Variants in XG observed in about 807,000 individuals in gnomAD.
The protein encoded by XG is glycoprotein Xg.
XG carries 24 observed loss-of-function variants against 25.7 expected under a neutral mutation model. The ratio of observed to expected loss-of-function variants is 0.93; its 90% CI spans 0.68 to 1.31. The LOEUF (loss-of-function observed/expected upper bound fraction) is 1.31. Among genes scored for constraint, XG ranks in the 40% most tolerant of loss-of-function variants. The pLI is 0.00. For missense variants in XG, 181 were observed against 187.6 expected, an observed-to-expected ratio of 0.96 and a Z score of 0.21; for synonymous variants, 77 against 69.2, an observed-to-expected ratio of 1.11 and a Z score of -0.56.
intron 2 of XG, among the ~76,000 whole-genome samples, chrX:2,773,220 G>A (rs934720249): frequency 2.0e-5 from 3 of 149,274 alleles, no homozygotes; most frequent in Non-Finnish European, 4.5e-5. Flanking sequence ...GAGAGGGAAC[G>A]ATGGAGGGAA....
intron 7 of XG, among the ~76,000 whole-genome samples, chrX:2,801,934 C>T (rs765251230): frequency 2.7e-5 from 3 of 110,852 alleles, no homozygotes; most frequent in South Asian, 7.6e-4. Flanking sequence ...ATCTCGATCT[C>T]CTGACCTCGT....
chrX:2,766,690 G>A (rs1452419271), intron 1 of XG, among the ~76,000 whole-genome samples: 3 of 147,390 alleles, frequency 2.0e-5, no homozygotes, highest in Admixed American at 6.9e-5. Flanking sequence ...TCAGCCTCCC[G>A]AGTAGCTGGG....
At chrX:2,765,328 G>C (rs144873100) in intron 1 of XG, among the ~76,000 whole-genome samples, 2 of 151,156 alleles carry the variant, frequency 1.3e-5, no homozygotes, top group Non-Finnish European at 3.0e-5. Flanking sequence ...TGCAGCCTGG[G>C]CAACATAGTG....
intron 1 of XG, among the ~76,000 whole-genome samples, chrX:2,756,842 C>T (rs2050446116): frequency 2.0e-5 from 3 of 152,170 alleles, no homozygotes; most frequent in Admixed American, 6.5e-5. Context: ...CTGGGCCCCA[C>T]GGTAGCATCT....
intron 1 of XG, among the ~76,000 whole-genome samples, chrX:2,761,514 A>T (rs1261596375): frequency 1.3e-5 from 2 of 151,984 alleles, no homozygotes; most frequent in East Asian, 3.9e-4. Context: ...ACATAGAGGG[A>T]TGACCACGTG....
At chrX:2,786,085 TTC>T (rs2086780768) in intron 4 of XG, among the ~76,000 whole-genome samples, 1 of 109,604 alleles carries the variant, frequency 9.1e-6, no homozygotes, top group Non-Finnish European at 1.9e-5. Flanking sequence ...GAACCCAAAA[TTC>T]TCTCTGTGTC....
chrX:2,800,975 CA>C (rs55635919), intron 7 of XG, among the ~76,000 whole-genome samples: 2,568 of 36,384 alleles, frequency 0.071, 113 homozygotes, highest in African/African-American at 0.22. Flanking sequence ...GACCCTGTCT[CA>C]AAAAAAAAAA....
chrX:2,763,547 A>G (rs1481069979), intron 1 of XG, among the ~76,000 whole-genome samples: 1 of 152,290 alleles, frequency 6.6e-6, no homozygotes, highest in East Asian at 1.9e-4. Flanking sequence ...CACAACTAAC[A>G]TTGATTTCTG....
chrX:2,777,573 G>A (rs1396576986), intron 3 of XG, among the ~76,000 whole-genome samples: 1 of 151,976 alleles, frequency 6.6e-6, no homozygotes, highest in African/African-American at 2.4e-5. Flanking sequence ...CGCCTGGGTG[G>A]CAGAGCCAGG....
intron 9 of XG, among the ~76,000 whole-genome samples, chrX:2,810,094 G>C (rs372241776): frequency 9.0e-6 from 1 of 111,609 alleles, no homozygotes; most frequent in Non-Finnish European, 1.9e-5. Context: ...AGCATCAGCC[G>C]TAGAGCAGGT....
intron 1 of XG, among the ~76,000 whole-genome samples, chrX:2,770,035 TTGGGGGGC>T (rs2050782317): frequency 8.6e-6 from 1 of 116,228 alleles, no homozygotes; most frequent in Non-Finnish European, 1.9e-5. Context: ...GGGGGGGGCG[TTGGGGGGC>T]GGGGATATGC....
At chrX:2,756,460 A>G (rs2050437437) in intron 1 of XG, among the ~76,000 whole-genome samples, 1 of 152,254 alleles carries the variant, frequency 6.6e-6, no homozygotes, top group Non-Finnish European at 1.5e-5. Context: ...TGGTTCTAAT[A>G]TGAAGGAAAG....
In XG at chrX:2,801,337, G is replaced by C. The variant is rs775830078; in HGVS notation, c.373+3977G>C. Among the ~76,000 whole-genome samples, 166 of 109,807 alleles carry C rather than the reference G, an allele frequency of 1.5e-3. 2 individuals are homozygous for C. The highest frequency in any genetic ancestry group is 2.4e-3 in the Non-Finnish European group (126 of 52,843). On this transcript the variant is annotated intron_variant, in intron 7 of 10. Transcript: ENST00000644266. ...AGCAGCTCCTTGCAAGAGAGAGAGG[G>C]AGAGAGAGAAAGAGAGAGAGAGAAA...
chrX:2,757,654 G>A (rs1250099431), intron 1 of XG, among the ~76,000 whole-genome samples: 2 of 151,798 alleles, frequency 1.3e-5, no homozygotes, highest in Non-Finnish European at 2.9e-5. Context: ...AGGCTGTTTA[G>A]TTTACTTCTA....
chrX:2,788,250 G>A (rs1467418882), intron 4 of XG, among the ~76,000 whole-genome samples: 1 of 112,423 alleles, frequency 8.9e-6, no homozygotes, highest in Non-Finnish European at 1.9e-5. Flanking sequence ...TTGAGCCAAT[G>A]TGGATAAGCA....
At chrX:2,795,358 T>A (rs1435922853) in intron 6 of XG, among the ~76,000 whole-genome samples, 1 of 107,660 alleles carries the variant, frequency 9.3e-6, no homozygotes, top group Non-Finnish European at 1.9e-5. Flanking sequence ...AATATATATC[T>A]TTACATATAT....
intron 7 of XG, among the ~76,000 whole-genome samples, chrX:2,798,052 G>C (rs2086901456): frequency 9.0e-6 from 1 of 110,639 alleles, no homozygotes; most frequent in Non-Finnish European, 1.9e-5. Flanking sequence ...CTGTCTCAAA[G>C]AAAAAGAAAA....
At chrX:2,780,425 T>TTAA (rs1556369958) in intron 3 of XG, among the ~76,000 whole-genome samples, 11 of 126,640 alleles carry the variant, frequency 8.7e-5, no homozygotes, top group African/African-American at 1.2e-4. Flanking sequence ...TTTTTTTTTC[T>TTAA]AAAAAAAAAA....
At chrX:2,773,049 A>C (rs1266471586) in intron 2 of XG, among the ~76,000 whole-genome samples, 1 of 140,402 alleles carries the variant, frequency 7.1e-6, no homozygotes, top group African/African-American at 2.6e-5. Context: ...TTTAAAAAGG[A>C]GACAGAGAAA....
Sources: allele counts gnomAD v4.1 joint callset (sites outside exome capture counted in the v4.1 genomes callset), GRCh38; gene constraint gnomAD v4.1.1; transcripts MANE v1.5; gene names NCBI Gene and HGNC (gene_info 2026-07-23, HGNC 2026-07-21).